Variants in MMRN1 observed in about 807,000 individuals in gnomAD.
The protein encoded by MMRN1 is multimerin-1.
MMRN1 carries 94 observed loss-of-function variants against 100.7 expected under a neutral mutation model. The observed-to-expected ratio is 0.93, with a 90% confidence interval of 0.79 to 1.11. The LOEUF is 1.11. Among genes scored for constraint, MMRN1 ranks in the 50% least tolerant of loss-of-function variants. The pLI, the probability that MMRN1 is intolerant of heterozygous loss-of-function variation, is 0.00. For missense variants in MMRN1, 1,606 were observed against 1,439.1 expected (o/e 1.12, Z -1.88); for synonymous variants, 575 against 505.0 (o/e 1.14, Z -1.86).
chr4:89,924,139 C>A (rs990321069), intron 4 of MMRN1, among the ~76,000 whole-genome samples: 1 of 152,148 alleles, frequency 6.6e-6, no homozygotes, highest in Non-Finnish European at 1.5e-5. Context: ...ATAAAATTCT[C>A]AGAACATAGC....
chr4:89,947,009 C>A (rs1010546592), intron 6 of MMRN1, among the ~76,000 whole-genome samples: 3 of 151,994 alleles, frequency 2.0e-5, no homozygotes, highest in African/African-American at 4.8e-5. Context: ...CACTTCTGGG[C>A]ACAGTGGCTC....
chr4:89,936,729 C>G lies in MMRN1; in HGVS notation c.3049C>G (p.Pro1017Ala), dbSNP rs1365390771. 7.4e-6 allele frequency: 12 copies of G among 1,613,006 alleles called. No homozygotes were observed. In the South Asian group the frequency reaches 8.8e-5, roughly 12 times the overall value. Reference sequence around the variant, plus strand: ...AAAGAAAATTAACGCACTTAAGAAACCAACGGTAAATCTTACCACAGTCCT... The same window carrying G: ...AAAGAAAATTAACGCACTTAAGAAAGCAACGGTAAATCTTACCACAGTCCT... The part of the protein sequence containing the change: ...LPKKINALKK[P>A]TVNLTTVLIG... Residue 1017 changes from proline (P) to alanine (A), a missense_variant, in exon 6 of 8, where the codon CCA becomes GCA. Physicochemically the swap from Pro to Ala is conservative, Grantham distance 27. Transcript: ENST00000264790.
At chr4:89,939,038 T>C (rs953539303) in intron 6 of MMRN1, among the ~76,000 whole-genome samples, 4 of 152,056 alleles carry the variant, frequency 2.6e-5, no homozygotes, top group Non-Finnish European at 5.9e-5. Flanking sequence ...ATGTCAATCA[T>C]TGGGCAGCTC....
At chr4:89,927,557 AGAGAAGGATAATTT>A (rs1296810462) in intron 4 of MMRN1, among the ~76,000 whole-genome samples, 10 of 152,094 alleles carry the variant, frequency 6.6e-5, no homozygotes, top group Admixed American at 2.0e-4. Context: ...TATCATCTGC[AGAGAAGGATAATTT>A]GACCCCTTCC....
chr4:89,950,434 A>G (rs549198322), intron 6 of MMRN1, among the ~76,000 whole-genome samples: 1 of 152,298 alleles, frequency 6.6e-6, no homozygotes, highest in South Asian at 2.1e-4. Flanking sequence ...ATTAACAGCT[A>G]TAGCAGTTTA....
chr4:89,904,244 TC>T (rs1721486096), intron 1 of MMRN1, among the ~76,000 whole-genome samples: 1 of 151,870 alleles, frequency 6.6e-6, no homozygotes, highest in Non-Finnish European at 1.5e-5. Context: ...GGCATTTTTT[TC>T]AGTATGTATG....
chr4:89,906,510 A>G (rs1721569246), intron 1 of MMRN1, among the ~76,000 whole-genome samples: 1 of 151,530 alleles, frequency 6.6e-6, no homozygotes, highest in Non-Finnish European at 1.5e-5. Flanking sequence ...AAAACTAAAC[A>G]CTTCAAAGTA....
intron 1 of MMRN1, among the ~76,000 whole-genome samples, chr4:89,885,334 T>C (rs1720912705): frequency 6.6e-6 from 1 of 152,156 alleles, no homozygotes. Context: ...ATCATTTTGT[T>C]TAATACTTTT....
At chr4:89,891,960 C>T (rs904432221), upstream of MMRN1, among the ~76,000 whole-genome samples, 1 of 151,930 alleles carries the variant, frequency 6.6e-6, no homozygotes, top group Non-Finnish European at 1.5e-5. Flanking sequence ...GCACCATCTA[C>T]AGTGAACTCC....
rs1722662350 is a variant in MMRN1 at position 89,936,829 on chromosome 4, C to T, written c.3118+31C>T. 7 of 1,529,670 alleles carry T rather than the reference C, an allele frequency of 4.6e-6. No individual in the cohort carries two copies. In the South Asian group the frequency reaches 5.2e-5, roughly 11 times the overall value. 94.8% of individuals were successfully genotyped at this position (1,529,670 alleles called of 1,614,324 possible). A position where few individuals can be genotyped will look rare whatever the true frequency, so the allele number is the denominator to read the frequency against. On this transcript the variant is annotated intron_variant, in intron 6 of 7. Transcript: ENST00000264790. ...CTGTTACTGAAAAGTAACTTTTAATCTCTCTTTTTACTTAAATGATATTTA... is the reference window on the plus strand; with the variant it reads ...CTGTTACTGAAAAGTAACTTTTAATTTCTCTTTTTACTTAAATGATATTTA...
At position 89,917,006 on chromosome 4, in the gene MMRN1, C is replaced by T. The variant is rs116078418; in HGVS notation, c.850+4956C>T. Among the ~76,000 whole-genome samples, 693 of 151,644 alleles carry T rather than the reference C, an allele frequency of 4.6e-3. 7 individuals carry two copies. Among genetic ancestry groups the T allele is most frequent in the African/African-American group, 0.016 (666 of 41,392 alleles). On this transcript the variant is annotated intron_variant, in intron 3 of 7. Coordinates refer to ENST00000264790, the MANE Select transcript of MMRN1 (RefSeq NM_007351.3). Reference sequence around the variant, plus strand: ...AGGATCTTTCCTAGACTGGGTAGCACGGAGGGAACTATATCTTGATGACAT... The same window carrying T: ...AGGATCTTTCCTAGACTGGGTAGCATGGAGGGAACTATATCTTGATGACAT...
chr4:89,893,098 A>T (rs1721091274), upstream of MMRN1, among the ~76,000 whole-genome samples: 1 of 151,914 alleles, frequency 6.6e-6, no homozygotes, highest in South Asian at 2.1e-4. Flanking sequence ...TCTACTGAAA[A>T]CCATGTTTGT....
At chr4:89,899,030 A>G (rs1388422520) in intron 1 of MMRN1, among the ~76,000 whole-genome samples, 1 of 152,012 alleles carries the variant, frequency 6.6e-6, no homozygotes, top group Non-Finnish European at 1.5e-5. Context: ...AAATATTTGC[A>G]TTTGTTTATG....
At chr4:89,902,326 T>G (rs572573151) in intron 1 of MMRN1, among the ~76,000 whole-genome samples, 1 of 148,244 alleles carries the variant, frequency 6.7e-6, no homozygotes, top group Non-Finnish European at 1.5e-5. Flanking sequence ...TAAAGTATAA[T>G]AAAAAAAATA....
rs553539399 is a variant in MMRN1, at chr4:89,914,163, G to A, written c.850+2113G>A. 9.6e-4 allele frequency among the ~76,000 whole-genome samples: 146 copies of A among 151,430 alleles called. 1 individual carries two copies. The highest frequency in any genetic ancestry group is 2.3e-3 in the East Asian group (12 of 5,156). On this transcript the variant is annotated intron_variant, in intron 3 of 7. Transcript: ENST00000264790. ...TCTAATAGCTAACCAAATTGCAGTAGGAAGATCTTCTAAATATGCAGGGAA... is the reference window on the plus strand; with the variant it reads ...TCTAATAGCTAACCAAATTGCAGTAAGAAGATCTTCTAAATATGCAGGGAA...
At chr4:89,937,304 T>C (rs1043180194) in intron 6 of MMRN1, among the ~76,000 whole-genome samples, 6 of 151,820 alleles carry the variant, frequency 4.0e-5, no homozygotes, top group Admixed American at 1.3e-4. Context: ...TTGTAAAGAG[T>C]AGGGTGTCTG....
At chr4:89,918,133 G>GTA (rs1443340470) in intron 3 of MMRN1, among the ~76,000 whole-genome samples, 1 of 150,456 alleles carries the variant, frequency 6.6e-6, no homozygotes, top group African/African-American at 2.4e-5. Flanking sequence ...GTTTCAAATA[G>GTA]TATATATACA....
upstream of MMRN1, among the ~76,000 whole-genome samples, chr4:89,890,382 T>C (rs1001576512): frequency 4.6e-5 from 7 of 152,068 alleles, no homozygotes; most frequent in African/African-American, 1.7e-4. Context: ...CCCATTGGCG[T>C]TCCTAGTTTG....
chr4:89,894,813 T>A, upstream of MMRN1: 2 of 1,319,238 alleles, frequency 1.5e-6, no homozygotes, highest in Non-Finnish European at 2.0e-6. Context: ...AAACCGAACT[T>A]CCTGAGTACG....
Sources: allele counts gnomAD v4.1 joint callset (sites outside exome capture counted in the v4.1 genomes callset), GRCh38; gene constraint gnomAD v4.1.1; transcripts MANE v1.5; gene names NCBI Gene and HGNC (gene_info 2026-07-23, HGNC 2026-07-21).